Variants in LMO7 observed in about 807,000 individuals in gnomAD.
The protein encoded by LMO7 is LIM domain only protein 7.
In LMO7, 120 loss-of-function variants were observed where a neutral mutation model predicts 206.5. That is an observed-to-expected ratio of 0.58 (90% CI 0.50 to 0.68). LMO7 has a LOEUF of 0.68. Among genes scored for constraint, LMO7 ranks in the 30% least tolerant of loss-of-function variants. LMO7 has a pLI of 0.00. For missense variants in LMO7, 1,959 were observed against 1,957.9 expected (o/e 1.00, Z -0.01); for synonymous variants, 706 against 681.5 (o/e 1.04, Z -0.56).
intron 1 of LMO7, among the ~76,000 whole-genome samples, chr13:75,682,743 C>T (rs2040644015): frequency 1.3e-5 from 2 of 152,042 alleles, no homozygotes; most frequent in African/African-American, 2.4e-5. Flanking sequence ...ACCTTTGTTC[C>T]CCACACATCT....
chr13:75,732,096 A>T (rs969852280), intron 3 of LMO7, among the ~76,000 whole-genome samples: 5 of 151,230 alleles, frequency 3.3e-5, no homozygotes, highest in African/African-American at 9.7e-5. Context: ...TCTGACAATT[A>T]TGTGTCTTAG....
intron 3 of LMO7, among the ~76,000 whole-genome samples, chr13:75,743,207 A>G (rs2046559893): frequency 6.6e-6 from 1 of 152,220 alleles, no homozygotes; most frequent in Non-Finnish European, 1.5e-5. Flanking sequence ...ATTACTAAAA[A>G]GTCAAAAAAT....
At chr13:75,642,052 G>A (rs547516892) in intron 1 of LMO7, among the ~76,000 whole-genome samples, 112 of 152,162 alleles carry the variant, frequency 7.4e-4, no homozygotes, top group Non-Finnish European at 7.6e-4. Flanking sequence ...GAGAGGGGTG[G>A]CAAGAGATGA....
exon 1 of LMO7, chr13:75,620,750 T>C (rs1243226527): frequency 1.3e-5 from 2 of 152,198 alleles, no homozygotes; most frequent in African/African-American, 4.8e-5. Flanking sequence ...ATTTTCCAAA[T>C]ATCCAATTGA....
intron 1 of LMO7, among the ~76,000 whole-genome samples, chr13:75,696,799 C>T (rs2041935039): frequency 6.6e-6 from 1 of 152,140 alleles, no homozygotes; most frequent in South Asian, 2.1e-4. Context: ...TATTCCCAAG[C>T]TCCCATGCCT....
chr13:75,857,515 C>A (rs2061059627), intron 30 of LMO7: 1 of 154,772 alleles, frequency 6.5e-6, no homozygotes, highest in African/African-American at 2.4e-5. Context: ...TGGATGCTGA[C>A]ACTGAGGTTG....
At chr13:75,843,682 C>A (rs1006320791) in intron 25 of LMO7, among the ~76,000 whole-genome samples, 1 of 152,144 alleles carries the variant, frequency 6.6e-6, no homozygotes, top group Non-Finnish European at 1.5e-5. Flanking sequence ...TTAAAATTTC[C>A]TAAAACATTG....
rs1327643161 is a variant in LMO7 at position 75,807,731 on chromosome 13, A to G, written c.1448A>G (p.Asp483Gly). Residue 483 changes from aspartate to glycine, a missense_variant, in exon 10 of 31, where the codon GAC (aspartate) becomes GGC (glycine). Transcript: ENST00000377534. ...ANPYVLRAFE[D>G]FRKFSEQDDS... The stretch of plus-strand genomic sequence containing the variant: ...CCATATGTTCTCCGAGCTTTTGAAG[A>G]CTTTAGAAAGTTCTCTGAGCAAGAT... 1 of 1,614,004 alleles carries G rather than the reference A, an allele frequency of 6.2e-7. No homozygotes were observed.
chr13:75,710,693 T>C (rs1208979584), intron 1 of LMO7, among the ~76,000 whole-genome samples: 1 of 152,010 alleles, frequency 6.6e-6, no homozygotes, highest in Non-Finnish European at 1.5e-5. Flanking sequence ...TTAAGGAGAT[T>C]TTGGGCTGAG....
intron 2 of LMO7, among the ~76,000 whole-genome samples, chr13:75,625,457 A>G (rs2033920994): frequency 1.8e-5 from 2 of 113,000 alleles, no homozygotes; most frequent in Non-Finnish European, 1.9e-5. Context: ...GTGTGTGTGC[A>G]TGTGCATGTG....
At chr13:75,714,117 G>T (rs1177329287) in intron 2 of LMO7, among the ~76,000 whole-genome samples, 1 of 152,218 alleles carries the variant, frequency 6.6e-6, no homozygotes, top group East Asian at 1.9e-4. Flanking sequence ...AGTACTTAGA[G>T]ATTTTGATTA....
intron 3 of LMO7, among the ~76,000 whole-genome samples, chr13:75,738,494 T>A (rs1383791824): frequency 2.0e-5 from 3 of 152,224 alleles, no homozygotes; most frequent in Non-Finnish European, 4.4e-5. Flanking sequence ...TCCTAGATTT[T>A]TTTTTCTTAT....
chr13:75,809,486 T>C (rs1250419749), intron 11 of LMO7, among the ~76,000 whole-genome samples: 1 of 152,252 alleles, frequency 6.6e-6, no homozygotes, highest in Non-Finnish European at 1.5e-5. Context: ...AGATTAGGTA[T>C]ATGTATTTTG....
intron 4 of LMO7, among the ~76,000 whole-genome samples, chr13:75,777,982 AT>A (rs1481941613): frequency 9.2e-5 from 14 of 151,984 alleles, no homozygotes; most frequent in Admixed American, 5.2e-4. Flanking sequence ...CAAATTAGAG[AT>A]TAGGCAATAC....
intron 5 of LMO7, among the ~76,000 whole-genome samples, chr13:75,796,365 C>T (rs567389075): frequency 6.6e-6 from 1 of 152,008 alleles, no homozygotes; most frequent in African/African-American, 2.4e-5. Context: ...TATTTTTTTC[C>T]CTCTTCGTAT....
chr13:75,653,798 TTC>T (rs2037797585), intron 1 of LMO7, among the ~76,000 whole-genome samples: 1 of 152,218 alleles, frequency 6.6e-6, no homozygotes, highest in South Asian at 2.1e-4. Context: ...ACACTTGCAA[TTC>T]TGGTACCATA....
chr13:75,841,898 G>A lies in LMO7; in HGVS notation c.3946G>A (p.Glu1316Lys), dbSNP rs143342743. 6.1e-4 allele frequency: 991 copies of A among 1,613,970 alleles called. 14 individuals carry two copies. In the East Asian group the frequency reaches 0.021, roughly 34 times the overall value. The change falls in exon 24 of 31, where the codon GAG (glutamate) becomes AAG (lysine). Residue 1316 changes from glutamate (E) to lysine (K), a missense_variant. Transcript: ENST00000377534. ...QEQKRLQAEAEEQKRPAEEQK... is the reference protein window; with the variant it reads ...QEQKRLQAEAKEQKRPAEEQK... ...GCAAAAGCGGCTTCAGGCTGAGGCT[G>A]AGGAGCAGAAGCGTCCTGCGGAGGA...
At chr13:75,666,431 A>G (rs1247884597) in intron 1 of LMO7, among the ~76,000 whole-genome samples, 1 of 152,238 alleles carries the variant, frequency 6.6e-6, no homozygotes, top group Non-Finnish European at 1.5e-5. Context: ...AATAGTAGAA[A>G]TCTTCCTAAA....
intron 1 of LMO7, among the ~76,000 whole-genome samples, chr13:75,708,957 C>A (rs1038592025): frequency 1.3e-5 from 2 of 152,056 alleles, no homozygotes; most frequent in Non-Finnish European, 2.9e-5. Context: ...CTCCCCCCAC[C>A]CCACAACAGG....
Sources: gnomAD v4.1 joint callset for allele counts (sites outside exome capture counted in the v4.1 genomes callset) on GRCh38, gnomAD v4.1.1 for gene constraint, MANE v1.5 for transcripts, NCBI Gene and HGNC (gene_info 2026-07-23, HGNC 2026-07-21) for gene names.